MCC: variants seen among roughly 807,000 people sequenced by gnomAD.
The protein encoded by MCC is colorectal mutant cancer protein.
A neutral mutation model predicts 116.2 loss-of-function variants in MCC; 90 were observed. The ratio of observed to expected loss-of-function variants is 0.77; its 90% CI spans 0.65 to 0.92. The LOEUF (loss-of-function observed/expected upper bound fraction) is 0.92, where lower values mean the gene tolerates loss of function less well. MCC is among the 40% of genes least tolerant of loss of function. The probability of loss-of-function intolerance (pLI) is 0.00; values close to 1 mark genes in which losing one functional copy is unlikely to be tolerated. For synonymous variants in MCC, 578 were observed against 510.5 expected, an observed-to-expected ratio of 1.13 and a Z score of -1.78; for missense variants, 1,516 against 1,312.2, an observed-to-expected ratio of 1.16 and a Z score of -2.40.
chr5:113,147,655 C>T (rs983794459), intron 4 of MCC, among the ~76,000 whole-genome samples: 1 of 152,148 alleles, frequency 6.6e-6, no homozygotes, highest in African/African-American at 2.4e-5. Context: ...GGTATTTCCA[C>T]CCTCACTCTA....
intron 8 of MCC, among the ~76,000 whole-genome samples, chr5:113,088,893 C>T (rs1227728513): frequency 6.6e-6 from 1 of 152,108 alleles, no homozygotes; most frequent in African/African-American, 2.4e-5. Context: ...AAGAGATTTT[C>T]CCGTTTTAGC....
chr5:113,217,267 T>G (rs1168500388), intron 3 of MCC, among the ~76,000 whole-genome samples: 2 of 152,222 alleles, frequency 1.3e-5, no homozygotes, highest in Non-Finnish European at 2.9e-5. Context: ...TGATACTAAA[T>G]TGAAGCATCA....
Position 113,434,146 on chromosome 5 carries a change from G to T in MCC, c.171-48934C>A, listed in dbSNP as rs373430280. On this transcript the variant is annotated intron_variant, in intron 1 of 18. Coordinates refer to ENST00000408903, the MANE Select transcript of MCC (RefSeq NM_001085377.2). The surrounding 1 kb of genome is among the most constrained non-coding windows in gnomAD (Gnocchi z 4.2). ...TGCTTGGAGCGTGGGAAGTTGACGC[G>T]GTGCTCCTTCTGGATACGCAGCATC... The T allele has an allele frequency of 1.7e-5, 27 of 1,614,032 alleles. No homozygotes were observed. Among genetic ancestry groups the T allele is most frequent in the Non-Finnish European group, 2.2e-5 (26 of 1,180,020 alleles).
chr5:113,381,837 G>A (rs1311288961), intron 2 of MCC, among the ~76,000 whole-genome samples: 5 of 152,140 alleles, frequency 3.3e-5, no homozygotes, highest in African/African-American at 1.2e-4. Context: ...CATCTAAGGA[G>A]AGAATGTAAC....
chr5:113,198,821 C>T (rs571594158), intron 3 of MCC, among the ~76,000 whole-genome samples: 29 of 151,998 alleles, frequency 1.9e-4, no homozygotes, highest in African/African-American at 9.7e-5. Flanking sequence ...GGTTGGGAGG[C>T]GGGACCACGT....
intron 2 of MCC, among the ~76,000 whole-genome samples, chr5:113,367,195 A>T (rs986418463): frequency 7.1e-6 from 1 of 140,866 alleles, no homozygotes; most frequent in Non-Finnish European, 1.5e-5. Flanking sequence ...TTATGTAAAT[A>T]ATGAATATGC....
At chr5:113,084,019 G>A (rs1161864943) in intron 10 of MCC, 82 bp downstream of exon 10, 7 of 1,049,906 alleles carry the variant, frequency 6.7e-6, no homozygotes. Context: ...GATAGACTTT[G>A]GAAGTTCTTC....
At chr5:113,104,816 A>G (rs1416113602) in intron 6 of MCC, among the ~76,000 whole-genome samples, 1 of 152,242 alleles carries the variant, frequency 6.6e-6, no homozygotes, top group Non-Finnish European at 1.5e-5. Context: ...CCTTGCCCTC[A>G]ATGAGCCTAA....
intron 3 of MCC, chr5:113,234,292 T>G (rs932919514): frequency 6.6e-6 from 1 of 152,194 alleles, no homozygotes; most frequent in Non-Finnish European, 1.5e-5. Flanking sequence ...ATTTAGCATA[T>G]ATGAGATGGA....
intron 3 of MCC, among the ~76,000 whole-genome samples, chr5:113,293,096 G>C (rs1205342646): frequency 6.6e-6 from 1 of 152,056 alleles, no homozygotes; most frequent in Non-Finnish European, 1.5e-5. Flanking sequence ...ATTTCAAACC[G>C]GAGCAGGAAC....
chr5:113,059,521 T>C (rs1389400932), intron 14 of MCC, among the ~76,000 whole-genome samples: 1 of 152,212 alleles, frequency 6.6e-6, no homozygotes, highest in African/African-American at 2.4e-5. Flanking sequence ...ATCTCAGTTG[T>C]CAAGGGGGAA....
At chr5:113,354,527 T>G (rs1768361933) in intron 2 of MCC, among the ~76,000 whole-genome samples, 1 of 151,496 alleles carries the variant, frequency 6.6e-6, no homozygotes, top group Admixed American at 6.6e-5. Context: ...CTCCACCTCC[T>G]GGGATCAAGC....
chr5:113,294,904 C>A, intron 3 of MCC: 1 of 985,520 alleles, frequency 1.0e-6, no homozygotes, highest in Non-Finnish European at 1.2e-6. Context: ...CTGCACTTCA[C>A]GCCGAAGTTT....
At chr5:113,430,119 A>G (rs73779006) in intron 1 of MCC, among the ~76,000 whole-genome samples, 17,508 of 152,236 alleles carry the variant, frequency 0.12, 1,741 homozygotes, top group African/African-American at 0.27. Context: ...TTCCCCACTC[A>G]GGAGTGACAA....
intron 1 of MCC, among the ~76,000 whole-genome samples, chr5:113,412,542 G>T (rs1181433842): frequency 6.6e-6 from 1 of 152,162 alleles, no homozygotes; most frequent in Non-Finnish European, 1.5e-5. Flanking sequence ...AATTGTGAAT[G>T]GGAGTTCACT....
intron 3 of MCC, chr5:113,294,888 G>A: frequency 1.0e-6 from 1 of 985,676 alleles, no homozygotes; most frequent in South Asian, 4.7e-5. Context: ...GGGAGCCGGA[G>A]CGGAGCTGCA....
intron 15 of MCC, among the ~76,000 whole-genome samples, chr5:113,049,992 C>G (rs1044681939): frequency 2.0e-4 from 31 of 152,228 alleles, no homozygotes; most frequent in African/African-American, 6.5e-4. Flanking sequence ...CAAAATAGGA[C>G]AGTGCCATCC....
At chr5:113,041,669 G>A (rs1164815342) in intron 17 of MCC, among the ~76,000 whole-genome samples, 1 of 152,110 alleles carries the variant, frequency 6.6e-6, no homozygotes, top group East Asian at 1.9e-4. Flanking sequence ...ACATTTTCTG[G>A]GTGGCAGACT....
chr5:113,302,701 T>C (rs58268366), intron 3 of MCC, among the ~76,000 whole-genome samples: 17,790 of 152,228 alleles, frequency 0.12, 1,250 homozygotes, highest in Non-Finnish European at 0.17. Context: ...TGAAACAAAC[T>C]GTAATGATGA....
Sources: gnomAD v4.1 joint callset for allele counts (sites outside exome capture counted in the v4.1 genomes callset) on GRCh38, gnomAD v4.1.1 for gene constraint, Gnocchi (gnomAD v3.1) non-coding constraint, MANE v1.5 for transcripts, NCBI Gene and HGNC (gene_info 2026-07-23, HGNC 2026-07-21) for gene names.